The following PLSCR2 variants were observed in gnomAD, a reference collection of about 807,000 sequenced individuals.
PLSCR2 encodes the protein PL scramblase 2.
PLSCR2 carries 18 observed loss-of-function variants against 25.3 expected under a neutral mutation model. That is an observed-to-expected ratio of 0.71 (90% CI 0.49 to 1.06). The LOEUF is 1.06. PLSCR2 is among the 50% of genes least tolerant of loss of function. The pLI, the probability that PLSCR2 is intolerant of heterozygous loss-of-function variation, is 0.00. For missense variants in PLSCR2, 243 were observed against 269.5 expected (o/e 0.90, Z 0.69); for synonymous variants, 88 against 87.3 (o/e 1.01, Z -0.04).
At chr3:146,455,257 G>C in exon 4 of PLSCR2, 1 of 1,612,896 alleles carries the variant, frequency 6.2e-7, no homozygotes, top group Non-Finnish European at 8.5e-7. Context: ...GGCAGCAGGG[G>C]CAACAACAAC....
At chr3:146,465,751 G>C (rs552239689) in intron 1 of PLSCR2, among the ~76,000 whole-genome samples, 4 of 152,270 alleles carry the variant, frequency 2.6e-5, no homozygotes, top group South Asian at 2.1e-4. Context: ...TGCCAGAGGG[G>C]AACTGTGAAT....
intron 6 of PLSCR2, among the ~76,000 whole-genome samples, chr3:146,444,560 T>G (rs536611310): frequency 6.6e-6 from 1 of 152,058 alleles, no homozygotes; most frequent in Non-Finnish European, 1.5e-5. Context: ...AAATATATAT[T>G]GTCTAGTGTA....
chr3:146,459,914 C>G, exon 2 of PLSCR2: 1 of 1,614,006 alleles, frequency 6.2e-7, no homozygotes, highest in Middle Eastern at 1.7e-4. Flanking sequence ...TCCATGGTAC[C>G]CCTTCAGGTC....
chr3:146,469,125 G>A (rs991383368), intron 1 of PLSCR2: 1 of 985,200 alleles, frequency 1.0e-6, no homozygotes, highest in Non-Finnish European at 1.2e-6. Context: ...CAGCTTGCAG[G>A]CTGTATTAAC....
chr3:146,457,319 C>T lies in PLSCR2; in HGVS notation c.100+1092G>A, dbSNP rs140394940. Among the ~76,000 whole-genome samples the T allele has an allele frequency of 1.5e-4, 23 of 152,288 alleles. No individual in the cohort carries two copies. The East Asian group carries it at 1.9e-3, about 13-fold the overall frequency. ...TAACTTTATTATATCAGAAGGAAGA[C>T]GCTGTGGTTCATAACTCTACCTAGG... On this transcript the variant is annotated intron_variant, in intron 3 of 6. Transcript: ENST00000610787.
chr3:146,407,723 G>T (rs147092596), intron 2 of PLSCR2, among the ~76,000 whole-genome samples: 1 of 152,044 alleles, frequency 6.6e-6, no homozygotes, highest in African/African-American at 2.4e-5. Context: ...TTACCTCATC[G>T]GAGAGCCTGA....
intron 2 of PLSCR2, among the ~76,000 whole-genome samples, chr3:146,408,245 T>A (rs576210189): frequency 6.6e-6 from 1 of 152,168 alleles, no homozygotes; most frequent in Non-Finnish European, 1.5e-5. Flanking sequence ...TGGGCAACTC[T>A]AGGGTCTTAA....
intron 4 of PLSCR2, 84 bp downstream of exon 4, chr3:146,455,155 T>A: frequency 1.1e-6 from 1 of 888,890 alleles, no homozygotes; most frequent in Non-Finnish European, 1.8e-6. Flanking sequence ...TCATTTAAAT[T>A]TCATTTGATT....
chr3:146,435,337 G>A (rs975099875), intron 8 of PLSCR2, among the ~76,000 whole-genome samples: 7 of 152,186 alleles, frequency 4.6e-5, no homozygotes, highest in Admixed American at 1.3e-4. Context: ...GATCCTTGAG[G>A]AATTGCCACA....
chr3:146,481,653 C>T (rs1043578668), intron 1 of PLSCR2, among the ~76,000 whole-genome samples: 4 of 152,136 alleles, frequency 2.6e-5, no homozygotes, highest in African/African-American at 9.7e-5. Flanking sequence ...GGCCATACTG[C>T]CCAAGGTAAT....
chr3:146,398,914 G>A (rs767759079), intron 2 of PLSCR2: 3 of 152,140 alleles, frequency 2.0e-5, no homozygotes, highest in Non-Finnish European at 4.4e-5. Context: ...TCTTAAATGA[G>A]CTTTTTGTAT....
intron 1 of PLSCR2, among the ~76,000 whole-genome samples, chr3:146,482,363 T>A (rs1476558988): frequency 1.3e-5 from 2 of 152,000 alleles, no homozygotes; most frequent in Non-Finnish European, 2.9e-5. Flanking sequence ...TACAAAGAAC[T>A]TAAACAAATT....
intron 1 of PLSCR2, among the ~76,000 whole-genome samples, chr3:146,491,991 C>T (rs1049795948): frequency 6.6e-6 from 1 of 152,070 alleles, no homozygotes; most frequent in Admixed American, 6.6e-5. Flanking sequence ...GGTTGCTGTC[C>T]TTTGGATGGG....
chr3:146,392,525 A>G (rs1268295377), intron 3 of PLSCR2, among the ~76,000 whole-genome samples: 3 of 151,986 alleles, frequency 2.0e-5, no homozygotes, highest in East Asian at 1.9e-4. Context: ...TTCGTTAAGT[A>G]TTTGATATTT....
chr3:146,454,041 T>C (rs923747578), exon 5 of PLSCR2: 2 of 1,610,092 alleles, frequency 1.2e-6, no homozygotes, highest in South Asian at 2.2e-5. Context: ...ACACGATACA[T>C]GGACCACTAA....
At chr3:146,465,846 T>C (rs2041839135) in intron 1 of PLSCR2, among the ~76,000 whole-genome samples, 2 of 152,248 alleles carry the variant, frequency 1.3e-5, no homozygotes, top group Admixed American at 1.3e-4. Flanking sequence ...ATGTAAATTT[T>C]ATGCACTTAA....
intron 6 of PLSCR2, among the ~76,000 whole-genome samples, chr3:146,447,338 A>G (rs1421711406): frequency 6.6e-6 from 1 of 152,182 alleles, no homozygotes; most frequent in Non-Finnish European, 1.5e-5. Context: ...AGTTTCCCCT[A>G]ATGCCCATGG....
chr3:146,467,946 G>T (rs1178859439), intron 1 of PLSCR2, among the ~76,000 whole-genome samples: 2 of 152,124 alleles, frequency 1.3e-5, no homozygotes, highest in Non-Finnish European at 1.5e-5. Context: ...CCTTAGAGAT[G>T]AGGATGGAAA....
rs2108363555 is a variant in PLSCR2, at chr3:146,455,227, T to C, written c.321+12A>G. On this transcript the variant is annotated intron_variant, in intron 4 of 6. Transcript: ENST00000610787. The stretch of plus-strand genomic sequence containing the variant: ...ACTACTTTATGAAAAGCTCTAGTAA[T>C]TGCTCACATACCTCCTGAAGGCAGC... 1.9e-6 allele frequency: 3 copies of C among 1,568,890 alleles called. No individual in the cohort carries two copies. Among genetic ancestry groups the C allele is most frequent in the Non-Finnish European group, 2.6e-6 (3 of 1,139,058 alleles).
Sources: gnomAD v4.1 joint callset for allele counts (sites outside exome capture counted in the v4.1 genomes callset) on GRCh38, gnomAD v4.1.1 for gene constraint, MANE v1.5 for transcripts, NCBI Gene and HGNC (gene_info 2026-07-23, HGNC 2026-07-21) for gene names.